The following GLRX5 variants were observed in gnomAD, a reference collection of about 807,000 sequenced individuals.
The protein encoded by GLRX5 is glutaredoxin-related protein 5, mitochondrial.
A neutral mutation model predicts 13.8 loss-of-function variants in GLRX5; 10 were observed. The ratio of observed to expected loss-of-function variants is 0.72; its 90% CI spans 0.45 to 1.23. The LOEUF (loss-of-function observed/expected upper bound fraction) is 1.23. GLRX5 is among the 50% of genes most tolerant of loss of function. The pLI is 0.00. For synonymous variants in GLRX5, 98 were observed against 101.1 expected, an observed-to-expected ratio of 0.97 and a Z score of 0.18; for missense variants, 233 against 215.2, an observed-to-expected ratio of 1.08 and a Z score of -0.52.
intron 1 of GLRX5, among the ~76,000 whole-genome samples, chr14:95,536,562 C>G (rs1179507636): frequency 6.6e-6 from 1 of 152,208 alleles, no homozygotes; most frequent in Non-Finnish European, 1.5e-5. Context: ...TTGACATCCT[C>G]TTCTGTGGCT....
At chr14:95,540,212 T>A (rs1384738595) in intron 1 of GLRX5, among the ~76,000 whole-genome samples, 1 of 152,196 alleles carries the variant, frequency 6.6e-6, no homozygotes, top group Non-Finnish European at 1.5e-5. Flanking sequence ...TTCATTACTT[T>A]AGGGTATACT....
chr14:95,543,414 C>A, intron 1 of GLRX5: 1 of 330,306 alleles, frequency 3.0e-6, no homozygotes, highest in South Asian at 2.4e-5. Context: ...CTTAGACAGT[C>A]ACAGTCATGA....
Position 95,535,264 on chromosome 14 carries a change from A to C in GLRX5, c.175A>C (p.Lys59Gln). The C allele has an allele frequency of 6.4e-7, 1 of 1,571,824 alleles. No homozygotes were observed. Among genetic ancestry groups the C allele is most frequent in the Non-Finnish European group, 8.6e-7 (1 of 1,160,412 alleles). Residue 59 changes from lysine to glutamine, a missense_variant, in exon 1 of 2, where the codon AAG (lysine) becomes CAG (glutamine). Physicochemically the swap from Lys to Gln is moderately conservative, Grantham distance 53. Transcript: ENST00000331334. ...VKKDKVVVFL[K>Q]GTPEQPQCGF... ...GAAGGACAAGGTGGTGGTCTTCCTC[A>C]AGGGGACGCCGGAGCAGCCCCAGTG...
intron 1 of GLRX5, among the ~76,000 whole-genome samples, chr14:95,540,642 G>A (rs1461761565): frequency 6.6e-6 from 1 of 152,174 alleles, no homozygotes; most frequent in East Asian, 1.9e-4. Flanking sequence ...TAGAGAATAT[G>A]AAGAAATTGT....
intron 1 of GLRX5, among the ~76,000 whole-genome samples, chr14:95,537,151 C>T (rs1455758661): frequency 6.6e-6 from 1 of 152,198 alleles, no homozygotes; most frequent in African/African-American, 2.4e-5. Flanking sequence ...TATCATGTTT[C>T]GAGGGTCTTT....
intron 1 of GLRX5, among the ~76,000 whole-genome samples, chr14:95,538,628 A>C (rs779386408): frequency 2.0e-5 from 3 of 152,272 alleles, no homozygotes; most frequent in Admixed American, 6.5e-5. Flanking sequence ...CTATGGGTGA[A>C]CAGAGCCTAA....
chr14:95,543,208 C>G, intron 1 of GLRX5: 1 of 455,992 alleles, frequency 2.2e-6, no homozygotes, highest in South Asian at 1.5e-5. Flanking sequence ...ACTCACCAGT[C>G]ACTTCGGGTT....
At chr14:95,542,395 T>C (rs575499066) in intron 1 of GLRX5, among the ~76,000 whole-genome samples, 20 of 152,336 alleles carry the variant, frequency 1.3e-4, no homozygotes, top group African/African-American at 4.6e-4. Context: ...CCTAGAGCAA[T>C]GTAACCCTTT....
At chr14:95,535,443 G>A in intron 1 of GLRX5, 59 bp downstream of exon 1, 1 of 1,466,346 alleles carries the variant, frequency 6.8e-7, no homozygotes, top group Admixed American at 2.0e-5. Flanking sequence ...ATCGCTGCAC[G>A]AGGCCGAGGG....
At position 95,544,289 on chromosome 14, in the gene GLRX5, G is replaced by C. The variant is rs1455134955; in HGVS notation, c.*164G>C. The C allele has an allele frequency of 1.5e-6, 1 of 660,048 alleles. No homozygotes were observed. The highest frequency in any genetic ancestry group is 1.8e-5 in the African/African-American group (1 of 55,488). 40.9% of individuals were successfully genotyped at this position (660,048 alleles called of 1,614,324 possible). A position where few individuals can be genotyped will look rare whatever the true frequency, so the allele number is the denominator to read the frequency against. Reference sequence around the variant, plus strand: ...TGATTTTAGTTGGTCTGGTGTTCGGGCTAAGAATATTTTATTGTGGACTTA... The same window carrying C: ...TGATTTTAGTTGGTCTGGTGTTCGGCCTAAGAATATTTTATTGTGGACTTA... On this transcript the variant is annotated 3_prime_UTR_variant, in exon 2 of 2. Transcript: ENST00000331334.
In GLRX5 at chr14:95,535,360, C is replaced by T. The variant is rs1891349554; in HGVS notation, c.271C>T (p.Leu91=). The stretch of plus-strand genomic sequence containing the variant: ...CCGCGATTACGCGGCCTACAACGTG[C>T]TGGACGACCCGGAGCTCCGACAAGG... ...GVRDYAAYNV[L]DDPELRQGIK... The change falls in exon 1 of 2, where the codon CTG becomes TTG. Residue 91 remains leucine (L), a synonymous_variant. Coordinates refer to ENST00000331334, the MANE Select transcript of GLRX5 (RefSeq NM_016417.3). 3.2e-6 allele frequency: 5 copies of T among 1,551,986 alleles called. No homozygotes were observed. The highest frequency in any genetic ancestry group is 3.5e-6 in the Non-Finnish European group (4 of 1,148,088).
At chr14:95,536,866 C>G (rs1000028361) in intron 1 of GLRX5, among the ~76,000 whole-genome samples, 3 of 151,924 alleles carry the variant, frequency 2.0e-5, no homozygotes, top group Admixed American at 1.3e-4. Flanking sequence ...GTTGAGGAGT[C>G]GAGAGGGCAG....
At chr14:95,538,444 A>G (rs1213274196) in intron 1 of GLRX5, among the ~76,000 whole-genome samples, 2 of 152,202 alleles carry the variant, frequency 1.3e-5, no homozygotes, top group Non-Finnish European at 2.9e-5. Flanking sequence ...AATACGCTCC[A>G]CCTTTTCAGT....
chr14:95,539,125 T>C lies in GLRX5; in HGVS notation c.295+3741T>C, dbSNP rs565934060. 1.1e-4 allele frequency among the ~76,000 whole-genome samples: 16 copies of C among 152,362 alleles called. No individual in the cohort carries two copies. The South Asian group carries it at 2.5e-3, about 24-fold the overall frequency. On this transcript the variant is annotated intron_variant, in intron 1 of 1. Coordinates refer to ENST00000331334, the MANE Select transcript of GLRX5 (RefSeq NM_016417.3). ...ACATGTGAGGAATCTAGGTTGTGCG[T>C]TCCTTACGAGAATGTAACTAATGCC...
intron 1 of GLRX5, among the ~76,000 whole-genome samples, chr14:95,541,902 T>G (rs1891479645): frequency 6.6e-6 from 1 of 152,196 alleles, no homozygotes. Flanking sequence ...CAGTAAAAAT[T>G]GATTATCATG....
chr14:95,535,389 G>T lies in GLRX5; in HGVS notation c.295+5G>T. ...ACGACCCGGAGCTCCGACAAGGTCA[G>T]GCCAGTGTGCCGGGCAGGCGCCCTC... On this transcript the variant is annotated splice_donor_5th_base_variant and intron_variant, in intron 1 of 1. Coordinates refer to ENST00000331334, the MANE Select transcript of GLRX5 (RefSeq NM_016417.3). 1 of 1,547,932 alleles carries T rather than the reference G, an allele frequency of 6.5e-7. No homozygotes were observed. Among genetic ancestry groups the T allele is most frequent in the Non-Finnish European group, 8.7e-7 (1 of 1,146,316 alleles).
rs768612316 is a variant in GLRX5, at chr14:95,535,430, A to G, written c.295+46A>G. ...AGGCGCCCTCCGCCCCGGGCCCAGG[A>G]GCATCGCTGCACGAGGCCGAGGGGT... On this transcript the variant is annotated intron_variant, in intron 1 of 1. Transcript: ENST00000331334. 4.6e-6 allele frequency: 7 copies of G among 1,516,910 alleles called. No individual in the cohort carries two copies. The South Asian group carries it at 7.2e-5, about 16-fold the overall frequency. The allele number at this position is 1,516,910 out of a possible 1,614,324, so 94.0% of individuals were successfully genotyped here.
rs1044598910 is a variant in GLRX5, at chr14:95,544,386, T to C, written c.*261T>C. On this transcript the variant is annotated 3_prime_UTR_variant, in exon 2 of 2. Transcript: ENST00000331334. ...GCTGTAAACAAAATTCATTCTTATA[T>C]TGTCACTTATTCTTTGCCTGATTCA... 2.9e-5 allele frequency: 14 copies of C among 490,394 alleles called. No homozygotes were observed. Among genetic ancestry groups the C allele is most frequent in the Admixed American group, 1.3e-4 (4 of 29,666 alleles). 30.4% of individuals were successfully genotyped at this position (490,394 alleles called of 1,614,324 possible). A position where few individuals can be genotyped will look rare whatever the true frequency, so the allele number is the denominator to read the frequency against.
Position 95,538,970 on chromosome 14 carries a change from G to T in GLRX5, c.295+3586G>T, listed in dbSNP as rs1480298805. On this transcript the variant is annotated intron_variant, in intron 1 of 1. Transcript: ENST00000331334. ...TAGGACATGGGTCCCCAACCCCCAG[G>T]CCAGGGATCGAGGACTTACAGCAGG... is the stretch of plus-strand genomic sequence containing the variant. Among the ~76,000 whole-genome samples the T allele has an allele frequency of 2.0e-5, 3 of 152,220 alleles. 1 individual carries two copies. In the East Asian group the frequency reaches 5.8e-4, roughly 29 times the overall value.
Sources: gnomAD v4.1 joint callset for allele counts (sites outside exome capture counted in the v4.1 genomes callset) on GRCh38, gnomAD v4.1.1 for gene constraint, MANE v1.5 for transcripts, NCBI Gene and HGNC (gene_info 2026-07-23, HGNC 2026-07-21) for gene names.